The following CLCN3 variants were observed in gnomAD, a reference collection of about 807,000 sequenced individuals.
The protein encoded by CLCN3 is Cl-/H+ antiporter 3.
In CLCN3, 16 loss-of-function variants were observed where a neutral mutation model predicts 83.4. The ratio of observed to expected loss-of-function variants is 0.19; its 90% confidence interval spans 0.13 to 0.29. The LOEUF (loss-of-function observed/expected upper bound fraction) is 0.29. CLCN3 is among the 10% of genes least tolerant of loss of function. The pLI is 1.00. For synonymous variants in CLCN3, 322 were observed against 346.2 expected (o/e 0.93, Z 0.78); for missense variants, 544 against 1,006.0 (o/e 0.54, Z 6.21).
rs67900605 is a variant in CLCN3, at chr4:169,636,735, G to GTTT, written c.160+661_160+663dup. ...TTCTACACTGATATTTCATTATTTG[G>GTTT]TTTTTTTTTTTTTTTTCATATTTTG... On this transcript the variant is annotated intron_variant, in intron 2 of 12. Transcript: ENST00000513761. 5.7e-4 allele frequency among the ~76,000 whole-genome samples: 68 copies of GTTT among 119,498 alleles called. 2 individuals carry two copies. In the East Asian group the frequency reaches 0.012, roughly 21 times the overall value. The allele number at this position is 119,498 out of a possible 152,430, so 78.4% of individuals were successfully genotyped here. A position where few individuals can be genotyped will look rare whatever the true frequency, so the allele number is the denominator to read the frequency against.
chr4:169,641,984 A>T (rs556454907), intron 2 of CLCN3, among the ~76,000 whole-genome samples: 18 of 152,254 alleles, frequency 1.2e-4, no homozygotes, highest in African/African-American at 3.9e-4. Context: ...AATCATTTGC[A>T]TAAGTATCTG....
chr4:169,696,775 GT>G (rs929281290), intron 8 of CLCN3, among the ~76,000 whole-genome samples: 9 of 147,348 alleles, frequency 6.1e-5, no homozygotes, highest in African/African-American at 2.2e-4. Context: ...AGTTCAAGAT[GT>G]TTTTAAATGT....
At chr4:169,648,292 CTA>C (rs1730632017) in intron 2 of CLCN3, among the ~76,000 whole-genome samples, 1 of 152,156 alleles carries the variant, frequency 6.6e-6, no homozygotes, top group African/African-American at 2.4e-5. Flanking sequence ...ATTGGGGAAA[CTA>C]TGAATGAGAG....
chr4:169,665,812 T>G (rs1182265834), intron 2 of CLCN3, among the ~76,000 whole-genome samples: 5 of 152,170 alleles, frequency 3.3e-5, no homozygotes, highest in African/African-American at 1.2e-4. Flanking sequence ...CTTTGGAGAT[T>G]GATCACAGAG....
intron 2 of CLCN3, among the ~76,000 whole-genome samples, chr4:169,647,413 T>C (rs1471350847): frequency 1.3e-5 from 2 of 151,946 alleles, no homozygotes; most frequent in African/African-American, 2.4e-5. Context: ...CTTATATAGT[T>C]AACTTTAGGT....
chr4:169,707,718 G>A (rs1005590008), intron 11 of CLCN3, among the ~76,000 whole-genome samples: 1 of 151,924 alleles, frequency 6.6e-6, no homozygotes, highest in Non-Finnish European at 1.5e-5. Flanking sequence ...TCAGTCTTTG[G>A]GGTTAGAATT....
At chr4:169,692,457 C>G (rs1056136927) in intron 7 of CLCN3, 137 bp downstream of exon 7, 2 of 378,878 alleles carry the variant, frequency 5.3e-6, no homozygotes, top group African/African-American at 2.1e-5. Context: ...TCTGTTTTTC[C>G]TGAATAATCT....
intron 11 of CLCN3, among the ~76,000 whole-genome samples, chr4:169,711,638 C>T: frequency 6.6e-6 from 1 of 152,168 alleles, no homozygotes; most frequent in Non-Finnish European, 1.5e-5. Flanking sequence ...ACGTGAGCCA[C>T]TGCGCCTGGC....
chr4:169,623,396 T>C (rs942212057), intron 1 of CLCN3, among the ~76,000 whole-genome samples: 1 of 152,230 alleles, frequency 6.6e-6, no homozygotes, highest in Non-Finnish European at 1.5e-5. Context: ...AATTGACAGA[T>C]AATCATTGTG....
chr4:169,706,540 T>G (rs555988142), intron 10 of CLCN3, among the ~76,000 whole-genome samples: 2 of 152,340 alleles, frequency 1.3e-5, no homozygotes, highest in South Asian at 4.1e-4. Flanking sequence ...AAGGGTGAAA[T>G]TATGTCTTTG....
intron 10 of CLCN3, 148 bp downstream of exon 10, chr4:169,704,332 T>C (rs1219255131): frequency 1.5e-6 from 1 of 650,336 alleles, no homozygotes; most frequent in Non-Finnish European, 2.7e-6. Flanking sequence ...TAAGAAACAG[T>C]AGTACTATTA....
chr4:169,703,998 G>A lies in CLCN3; in HGVS notation c.1564G>A (p.Val522Ile), dbSNP rs1425661952. 5 of 1,613,962 alleles carry A rather than the reference G, an allele frequency of 3.1e-6. No individual in the cohort carries two copies. Among genetic ancestry groups the A allele is most frequent in the Non-Finnish European group, 4.2e-6 (5 of 1,179,908 alleles). Reference protein sequence around the residue: ...IMTVFTFGIKVPSGLFIPSMA... With the variant: ...IMTVFTFGIKIPSGLFIPSMA... ...ATAAAGAGTTCTGTTGTTGTTATAG[G>A]TTCCATCAGGCTTGTTCATCCCCAG... The change falls in exon 10 of 13, where the codon GTT becomes ATT. Residue 522 changes from valine to isoleucine, a missense_variant and splice_region_variant. By Grantham distance (29) the Val-to-Ile change is conservative. Transcript: ENST00000513761.
intron 1 of CLCN3, among the ~76,000 whole-genome samples, chr4:169,625,201 C>G (rs528277164): frequency 1.3e-5 from 2 of 152,202 alleles, no homozygotes; most frequent in Non-Finnish European, 1.5e-5. Context: ...TCTCTGCCAT[C>G]GTTGCTCTTG....
At chr4:169,682,710 G>A (rs1477968074) in intron 3 of CLCN3, among the ~76,000 whole-genome samples, 1 of 152,152 alleles carries the variant, frequency 6.6e-6, no homozygotes, top group East Asian at 1.9e-4. Flanking sequence ...CTTCATCAAA[G>A]ATGCTCTTAT....
At chr4:169,695,535 C>T in intron 7 of CLCN3, 77 bp from the exon 8 acceptor site, 1 of 1,074,310 alleles carries the variant, frequency 9.3e-7, no homozygotes, top group East Asian at 2.4e-5. Context: ...TTGGAAAATT[C>T]AAGTAACATG....
rs33952411 is a variant in CLCN3, at chr4:169,720,526, TTCTC to T, written c.*559_*562del. ...TTCTACATTCCAGAAGAGCCTTTATTTCTCTCTCTCTCTCTCTCTCTCTCTCTCT... is the reference window on the plus strand; with the variant it reads ...TTCTACATTCCAGAAGAGCCTTTATTTCTCTCTCTCTCTCTCTCTCTCTCT... On this transcript the variant is annotated 3_prime_UTR_variant, in exon 13 of 13. Coordinates refer to ENST00000513761, the MANE Select transcript of CLCN3 (RefSeq NM_001829.4). 60,946 of 146,704 alleles carry T rather than the reference TTCTC, an allele frequency of 0.42. 13,716 individuals carry two copies. The highest frequency in any genetic ancestry group is 0.73 in the East Asian group (3,646 of 4,976). The allele number at this position is 146,704 out of a possible 1,614,324, so 9.1% of individuals were successfully genotyped here.
Position 169,721,482 on chromosome 4 carries a change from A to C in CLCN3, c.*1485A>C, listed in dbSNP as rs540279507. Reference sequence around the variant, plus strand: ...AACTACATTAACTGGAAAGTTGAAAAACTACATTACTTTGGAGAATAAAAC... The same window carrying C: ...AACTACATTAACTGGAAAGTTGAAACACTACATTACTTTGGAGAATAAAAC... On this transcript the variant is annotated 3_prime_UTR_variant, in exon 13 of 13. Transcript: ENST00000513761. The C allele has an allele frequency of 2.6e-5, 4 of 152,228 alleles. No homozygotes were observed. Among genetic ancestry groups the C allele is most frequent in the Admixed American group, 6.5e-5 (1 of 15,294 alleles). The allele number at this position is 152,228 out of a possible 1,614,324, so 9.4% of individuals were successfully genotyped here.
At chr4:169,663,557 C>A in intron 2 of CLCN3, 1 of 379,548 alleles carries the variant, frequency 2.6e-6, no homozygotes, top group Non-Finnish European at 5.1e-6. Context: ...CCAGGCTGGT[C>A]TCCAACTCCT....
intron 2 of CLCN3, among the ~76,000 whole-genome samples, chr4:169,670,680 C>T (rs1455302920): frequency 2.0e-5 from 3 of 152,128 alleles, no homozygotes; most frequent in Admixed American, 6.5e-5. Context: ...ATGGGAATAG[C>T]GTTGAATCTA....
Sources: allele counts gnomAD v4.1 joint callset (sites outside exome capture counted in the v4.1 genomes callset), GRCh38; gene constraint gnomAD v4.1.1; transcripts MANE v1.5; gene names NCBI Gene and HGNC (gene_info 2026-07-23, HGNC 2026-07-21).